The following BICD1 variants were observed in gnomAD, a reference collection of about 807,000 sequenced individuals.
BICD1 encodes protein bicaudal D homolog 1.
In BICD1, 35 loss-of-function variants were observed where a neutral mutation model predicts 92.5. The observed-to-expected ratio is 0.38, with a 90% CI of 0.29 to 0.50. BICD1 has a LOEUF of 0.50. Among genes scored for constraint, BICD1 ranks in the 20% least tolerant of loss-of-function variants. The pLI is 0.93. For synonymous variants in BICD1, 429 were observed against 465.1 expected (o/e 0.92, Z 1.00); for missense variants, 950 against 1,189.8 (o/e 0.80, Z 2.97).
Position 32,262,725 on chromosome 12 carries a change from A to G in BICD1, c.427-31269A>G, listed in dbSNP as rs934286706. Among the ~76,000 whole-genome samples the G allele has an allele frequency of 5.3e-5, 8 of 152,230 alleles. No individual in the cohort carries two copies. In the South Asian group the frequency reaches 6.2e-4, roughly 12 times the overall value. On this transcript the variant is annotated intron_variant, in intron 2 of 9. Transcript: ENST00000652176. ...AGACAGAGATTGGAATTCTGCTGCC[A>G]TAAGACAAGGAATGCCAGGGGCACC...
intron 8 of BICD1, among the ~76,000 whole-genome samples, chr12:32,364,314 A>C (rs1453780139): frequency 6.6e-6 from 1 of 152,180 alleles, no homozygotes; most frequent in Non-Finnish European, 1.5e-5. Flanking sequence ...TAGTTCCTTC[A>C]AGGGTGAGCC....
At chr12:32,341,781 T>C (rs543859815) in intron 8 of BICD1, among the ~76,000 whole-genome samples, 1 of 152,304 alleles carries the variant, frequency 6.6e-6, no homozygotes, top group Non-Finnish European at 1.5e-5. Flanking sequence ...AAATAAATTG[T>C]AGCTTCTACA....
At chr12:32,216,531 G>C in intron 2 of BICD1, 72 bp downstream of exon 2, 1 of 1,477,888 alleles carries the variant, frequency 6.8e-7, no homozygotes, top group Non-Finnish European at 9.2e-7. Flanking sequence ...TAGCAGAGAG[G>C]AATAACACTT....
intron 8 of BICD1, among the ~76,000 whole-genome samples, chr12:32,342,124 A>ACGTATATATATATG (rs1938389402): frequency 2.4e-5 from 2 of 83,850 alleles, no homozygotes; most frequent in African/African-American, 1.3e-4. Context: ...TTACATATAT[A>ACGTATATATATATG]TGTATATATA....
chr12:32,190,353 T>C (rs1221749130), intron 1 of BICD1, among the ~76,000 whole-genome samples: 1 of 152,182 alleles, frequency 6.6e-6, no homozygotes, highest in Non-Finnish European at 1.5e-5. Context: ...GTACAAGAAA[T>C]TCACTTTAGA....
intron 1 of BICD1, among the ~76,000 whole-genome samples, chr12:32,161,486 C>T (rs1372801537): frequency 3.3e-5 from 5 of 152,116 alleles, no homozygotes; most frequent in Non-Finnish European, 7.4e-5. Context: ...ACATTGTTAT[C>T]GTTACCAGTT....
intron 1 of BICD1, among the ~76,000 whole-genome samples, chr12:32,180,692 C>T (rs1226643527): frequency 6.6e-6 from 1 of 151,954 alleles, no homozygotes; most frequent in Non-Finnish European, 1.5e-5. Flanking sequence ...CTCACTAATT[C>T]AAAAATGTTA....
In BICD1 at chr12:32,337,172, G is replaced by A. The variant is rs1270131416; in HGVS notation, c.2253-327G>A. Among the ~76,000 whole-genome samples the A allele has an allele frequency of 1.3e-5, 2 of 152,114 alleles. No homozygotes were observed. The highest frequency in any genetic ancestry group is 6.6e-5 in the Admixed American group (1 of 15,260). Reference sequence around the variant, plus strand: ...TGAGGCATGAGAATCGCTTGAACCTGGGAGGCAGAGGTTACAGTGAGCCAA... The same window carrying A: ...TGAGGCATGAGAATCGCTTGAACCTAGGAGGCAGAGGTTACAGTGAGCCAA... On this transcript the variant is annotated intron_variant, in intron 6 of 9. Coordinates refer to ENST00000652176, the MANE Select transcript of BICD1 (RefSeq NM_001714.4). This position sits in a 1 kb window ranked among gnomAD's most constrained non-coding sequence, Gnocchi z 4.7.
chr12:32,234,422 A>AC (rs2136065755), intron 2 of BICD1, among the ~76,000 whole-genome samples: 1 of 151,406 alleles, frequency 6.6e-6, no homozygotes, highest in East Asian at 2.0e-4. Context: ...ACATGGAGAA[A>AC]CCCCATCTCT....
chr12:32,182,268 T>A (rs1944291680), intron 1 of BICD1, among the ~76,000 whole-genome samples: 1 of 126,464 alleles, frequency 7.9e-6, no homozygotes, highest in Non-Finnish European at 1.7e-5. Flanking sequence ...TTTTCTTTCT[T>A]TCTTTCTTTC....
chr12:32,165,408 C>A (rs985704276), intron 1 of BICD1, among the ~76,000 whole-genome samples: 1 of 151,916 alleles, frequency 6.6e-6, no homozygotes, highest in Non-Finnish European at 1.5e-5. Context: ...CCCAGCTACT[C>A]GGGATGTTGA....
chr12:32,232,818 T>C (rs947895457), intron 2 of BICD1, among the ~76,000 whole-genome samples: 2 of 152,154 alleles, frequency 1.3e-5, no homozygotes, highest in African/African-American at 4.8e-5. Context: ...GCTAGCCAGT[T>C]TTCCCAGCAC....
chr12:32,195,094 A>AAAC (rs1402831004), intron 1 of BICD1, among the ~76,000 whole-genome samples: 2 of 150,990 alleles, frequency 1.3e-5, no homozygotes, highest in Non-Finnish European at 3.0e-5. Flanking sequence ...TGAGACCAAA[A>AAAC]AAAAAAAAAA....
At chr12:32,120,074 T>G (rs1262024362) in intron 1 of BICD1, among the ~76,000 whole-genome samples, 2 of 152,244 alleles carry the variant, frequency 1.3e-5, no homozygotes, top group African/African-American at 2.4e-5. Flanking sequence ...TCTTGAGTAC[T>G]GTTTAAAGTG....
At chr12:32,271,189 G>C (rs1449634470) in intron 2 of BICD1, among the ~76,000 whole-genome samples, 1 of 152,234 alleles carries the variant, frequency 6.6e-6, no homozygotes, top group South Asian at 2.1e-4. Context: ...CCCTGAATTA[G>C]TGTCCTTTCT....
intron 1 of BICD1, among the ~76,000 whole-genome samples, chr12:32,156,540 C>T (rs1340007010): frequency 1.3e-5 from 2 of 152,228 alleles, no homozygotes; most frequent in Admixed American, 1.3e-4. Context: ...GAATGAGGCA[C>T]TCTCTGGGAG....
At position 32,294,161 on chromosome 12, in the gene BICD1, AT is replaced by A; in HGVS notation, c.579+21del. 2 of 1,579,558 alleles carry A rather than the reference AT, an allele frequency of 1.3e-6. No homozygotes were observed. Among genetic ancestry groups the A allele is most frequent in the East Asian group, 2.3e-5 (1 of 44,176 alleles). On this transcript the variant is annotated intron_variant, in intron 3 of 9. Transcript: ENST00000652176. ...AGCAGAACCAGGTAAGGTTTAAGAA[AT>A]TTTTTGTTATACTGAAGATGGATCT...
chr12:32,186,086 C>T (rs1944417239), intron 1 of BICD1, among the ~76,000 whole-genome samples: 1 of 152,226 alleles, frequency 6.6e-6, no homozygotes. Context: ...AGAACCTCAC[C>T]TGGCCAGAAA....
At chr12:32,120,112 CTATT>C (rs201957348) in intron 1 of BICD1, among the ~76,000 whole-genome samples, 2 of 151,884 alleles carry the variant, frequency 1.3e-5, no homozygotes, top group South Asian at 2.1e-4. Context: ...CTTATTGTGT[CTATT>C]TATTTTATTC....
Sources: allele counts gnomAD v4.1 joint callset (sites outside exome capture counted in the v4.1 genomes callset), GRCh38; gene constraint gnomAD v4.1.1; non-coding constraint Gnocchi (gnomAD v3.1); transcripts MANE v1.5; gene names NCBI Gene and HGNC (gene_info 2026-07-23, HGNC 2026-07-21).